MYO18B: variants seen among roughly 807,000 people sequenced by gnomAD.
The protein encoded by MYO18B is myosin XVIIIB.
A neutral mutation model predicts 273.0 loss-of-function variants in MYO18B; 204 were observed. The observed-to-expected ratio is 0.75, with a 90% confidence interval of 0.67 to 0.84. The LOEUF is 0.84. MYO18B is among the 40% of genes least tolerant of loss of function. The pLI, the probability that MYO18B is intolerant of heterozygous loss-of-function variation, is 0.00. For missense variants in MYO18B, 3,212 were observed against 3,287.6 expected (o/e 0.98, Z 0.56); for synonymous variants, 1,330 against 1,305.7 (o/e 1.02, Z -0.40).
At chr22:25,954,135 C>T (rs1265577851) in intron 38 of MYO18B, among the ~76,000 whole-genome samples, 4 of 152,146 alleles carry the variant, frequency 2.6e-5, no homozygotes, top group South Asian at 2.1e-4. Context: ...TCGATTGGTT[C>T]CCGGCTTGTT....
rs542316807 is a variant in MYO18B, at chr22:25,982,985, C to CT, written c.6157-9377dup. On this transcript the variant is annotated intron_variant, in intron 39 of 43. Transcript: ENST00000335473. ...AAATGATATTAGATATTTCAAAACT[C>CT]TAAGTGTTCGGGTAACCTAGTATAC... Among the ~76,000 whole-genome samples the CT allele has an allele frequency of 9.7e-4, 147 of 152,282 alleles. 1 individual carries two copies. The highest frequency in any genetic ancestry group is 1.7e-3 in the Non-Finnish European group (113 of 68,034).
At chr22:25,932,919 A>G (rs1045459233) in intron 34 of MYO18B, among the ~76,000 whole-genome samples, 3 of 152,100 alleles carry the variant, frequency 2.0e-5, no homozygotes, top group African/African-American at 7.2e-5. Context: ...TGCCAAGCCT[A>G]AAATAATTAT....
intron 36 of MYO18B, 76 bp from the exon 37 acceptor site, chr22:25,950,291 A>AT: frequency 7.7e-7 from 1 of 1,298,828 alleles, no homozygotes; most frequent in Non-Finnish European, 1.1e-6. Flanking sequence ...GAAAGTAGGG[A>AT]TTTTCAGGGG....
At chr22:25,993,554 C>A (rs1474279107) in intron 40 of MYO18B, among the ~76,000 whole-genome samples, 1 of 152,138 alleles carries the variant, frequency 6.6e-6, no homozygotes, top group African/African-American at 2.4e-5. Context: ...GGAATGCATC[C>A]CTCTTTGTTT....
intron 43 of MYO18B, chr22:26,028,359 G>C (rs1171347419): frequency 2.0e-5 from 3 of 151,844 alleles, no homozygotes; most frequent in African/African-American, 7.3e-5. Flanking sequence ...ATGGCGTTCT[G>C]TCCACATAAT....
the MYO18B span, among the ~76,000 whole-genome samples, chr22:26,060,989 C>CATT: frequency 8.7e-5 from 13 of 148,908 alleles, no homozygotes; most frequent in South Asian, 2.2e-4. Flanking sequence ...TACACACATA[C>CATT]CACATATGCA....
At chr22:25,829,883 T>G (rs1569080439) in intron 15 of MYO18B, among the ~76,000 whole-genome samples, 1 of 151,358 alleles carries the variant, frequency 6.6e-6, no homozygotes, top group Non-Finnish European at 1.5e-5. Flanking sequence ...TAAATAAAAT[T>G]TACAAAGAAA....
At chr22:25,849,633 C>T (rs1024212048) in intron 20 of MYO18B, among the ~76,000 whole-genome samples, 4 of 152,180 alleles carry the variant, frequency 2.6e-5, no homozygotes, top group Non-Finnish European at 4.4e-5. Flanking sequence ...CATTACCTAT[C>T]GTGCAGCCTG....
intron 42 of MYO18B, among the ~76,000 whole-genome samples, chr22:26,009,227 T>C (rs1021036502): frequency 2.6e-5 from 4 of 152,228 alleles, no homozygotes; most frequent in Non-Finnish European, 5.9e-5. Flanking sequence ...ATATTCCCTC[T>C]GGTCTCAGAA....
chr22:25,761,077 C>T lies in MYO18B; in HGVS notation c.-16C>T. ...CATCTCATCTCATCATCTCACGGCC[C>T]TGGCACTGCCTCAGCATGGCCATCT... On this transcript the variant is annotated 5_prime_UTR_variant, in exon 2 of 44. Transcript: ENST00000335473. 6.2e-7 allele frequency: 1 copy of T among 1,613,408 alleles called. No individual in the cohort carries two copies. Among genetic ancestry groups the T allele is most frequent in the Non-Finnish European group, 8.5e-7 (1 of 1,179,842 alleles).
intron 40 of MYO18B, among the ~76,000 whole-genome samples, chr22:25,997,962 C>CAA (rs1569279015): frequency 8.2e-4 from 106 of 128,834 alleles, no homozygotes; most frequent in African/African-American, 2.8e-3. Flanking sequence ...CACACAAACA[C>CAA]ACACACACAC....
At chr22:25,792,492 C>CTTTTTTT (rs56047312) in intron 11 of MYO18B, among the ~76,000 whole-genome samples, 4 of 32,400 alleles carry the variant, frequency 1.2e-4, no homozygotes, top group African/African-American at 4.8e-4. Flanking sequence ...TTTTTTTTTT[C>CTTTTTTT]TTTTCTTTTT....
chr22:25,755,983 T>C (rs998389013), intron 1 of MYO18B, among the ~76,000 whole-genome samples: 7 of 152,046 alleles, frequency 4.6e-5, no homozygotes, highest in Admixed American at 2.0e-4. Context: ...CTGCAAGCTC[T>C]GCCTCCTGGG....
chr22:26,031,569 A>G (rs1432557776), downstream of MYO18B, among the ~76,000 whole-genome samples: 1 of 152,136 alleles, frequency 6.6e-6, no homozygotes, highest in Non-Finnish European at 1.5e-5. Context: ...CCTACCTTTA[A>G]ATTAAGTCAC....
chr22:25,989,692 G>T (rs1180643927), intron 39 of MYO18B, among the ~76,000 whole-genome samples: 1 of 150,064 alleles, frequency 6.7e-6, no homozygotes, highest in Admixed American at 6.6e-5. Flanking sequence ...CAGTTACTTG[G>T]GAGGCTGAGG....
At chr22:26,036,942 A>G in the MYO18B span, among the ~76,000 whole-genome samples, 3 of 152,206 alleles carry the variant, frequency 2.0e-5, no homozygotes, top group African/African-American at 7.2e-5. Context: ...CATACCAGCC[A>G]TTGAGACTCA....
At chr22:25,771,679 G>A (rs1402579134) in intron 6 of MYO18B, among the ~76,000 whole-genome samples, 2 of 152,172 alleles carry the variant, frequency 1.3e-5, no homozygotes, top group Admixed American at 6.5e-5. Flanking sequence ...AGGCTCAGTG[G>A]CCTTGCAAGA....
chr22:26,023,111 CCTT>C (rs1935948218), intron 42 of MYO18B, among the ~76,000 whole-genome samples: 2 of 152,216 alleles, frequency 1.3e-5, no homozygotes, highest in South Asian at 4.1e-4. Flanking sequence ...AAGTCTCCTT[CCTT>C]CTTCTCCATC....
At chr22:25,862,690 C>T (rs543406341) in intron 21 of MYO18B, among the ~76,000 whole-genome samples, 1 of 152,270 alleles carries the variant, frequency 6.6e-6, no homozygotes, top group African/African-American at 2.4e-5. Context: ...GATAAGTCAG[C>T]CACTAATTGT....
Sources: gnomAD v4.1 joint callset for allele counts (sites outside exome capture counted in the v4.1 genomes callset) on GRCh38, gnomAD v4.1.1 for gene constraint, MANE v1.5 for transcripts, NCBI Gene and HGNC (gene_info 2026-07-23, HGNC 2026-07-21) for gene names.